ZNF718: variants seen among roughly 807,000 people sequenced by gnomAD.
ZNF718 encodes zinc finger protein 718.
Under a neutral mutation model 2.6 loss-of-function variants are expected in ZNF718, and 3 were observed. The ratio of observed to expected loss-of-function variants is 1.16; its 90% CI spans 0.53 to 3.01. ZNF718 has a LOEUF of 3.01. ZNF718 is among the 30% of genes most tolerant of loss of function. ZNF718 has a pLI of 0.03. For missense variants in ZNF718, 468 were observed against 230.0 expected, an observed-to-expected ratio of 2.03 and a Z score of -6.69; for synonymous variants, 135 against 77.9, an observed-to-expected ratio of 1.73 and a Z score of -3.86.
chr4:194,968 A>C (rs1717763121), intron 3 of ZNF718, among the ~76,000 whole-genome samples: 1 of 152,128 alleles, frequency 6.6e-6, no homozygotes, highest in African/African-American at 2.4e-5. Flanking sequence ...TATGCTCACC[A>C]ATGTAGCAGT....
chr4:192,892 C>T (rs1553821446), intron 3 of ZNF718, among the ~76,000 whole-genome samples: 2 of 152,098 alleles, frequency 1.3e-5, no homozygotes, highest in African/African-American at 4.8e-5. Flanking sequence ...CTTCACAGGC[C>T]CTGACTATCT....
At chr4:145,291 CTG>C (rs1430892050) in intron 3 of ZNF718, among the ~76,000 whole-genome samples, 1 of 152,116 alleles carries the variant, frequency 6.6e-6, no homozygotes, top group Non-Finnish European at 1.5e-5. Context: ...TTAGTAGTTT[CTG>C]TGTTTTAATT....
chr4:189,449 T>G (rs1717650883), intron 3 of ZNF718, among the ~76,000 whole-genome samples: 2 of 152,162 alleles, frequency 1.3e-5, no homozygotes, highest in African/African-American at 4.8e-5. Flanking sequence ...TGTCGATTAC[T>G]GTTATATAAA....
chr4:188,237 G>A (rs910191103), intron 3 of ZNF718, among the ~76,000 whole-genome samples: 3 of 152,338 alleles, frequency 2.0e-5, no homozygotes, highest in East Asian at 1.9e-4. Context: ...CTCATCCAGC[G>A]AGGATAATGG....
At chr4:157,103 C>CTT (rs199814257) in intron 3 of ZNF718, among the ~76,000 whole-genome samples, 2 of 103,140 alleles carry the variant, frequency 1.9e-5, no homozygotes, top group African/African-American at 8.0e-5. Flanking sequence ...TTCTTTCTTT[C>CTT]TTTTTTTTTT....
chr4:147,523 A>G (rs1401756368), intron 3 of ZNF718, among the ~76,000 whole-genome samples: 1 of 152,170 alleles, frequency 6.6e-6, no homozygotes, highest in East Asian at 1.9e-4. Flanking sequence ...TCAGGGCATC[A>G]GACAGTTGTG....
At chr4:176,109 T>TA (rs1717341078) in intron 3 of ZNF718, among the ~76,000 whole-genome samples, 1 of 152,102 alleles carries the variant, frequency 6.6e-6, no homozygotes, top group Non-Finnish European at 1.5e-5. Context: ...AGCACCCTTA[T>TA]AAGCTCTAAT....
intron 3 of ZNF718, among the ~76,000 whole-genome samples, chr4:191,909 G>A (rs1390661253): frequency 6.6e-6 from 1 of 152,056 alleles, no homozygotes; most frequent in Non-Finnish European, 1.5e-5. Flanking sequence ...ATGGAACCTT[G>A]GGCCATGCAG....
intron 1 of ZNF718, chr4:125,425 A>T (rs1715163399): frequency 6.6e-6 from 1 of 152,258 alleles, no homozygotes; most frequent in Non-Finnish European, 1.5e-5. Flanking sequence ...CAGCTGCGGG[A>T]AGAGTGCTGA....
chr4:140,430 CT>C (rs1162826460), intron 3 of ZNF718, among the ~76,000 whole-genome samples: 1 of 152,120 alleles, frequency 6.6e-6, no homozygotes, highest in Non-Finnish European at 1.5e-5. Flanking sequence ...TTGGAGTTTA[CT>C]GTTGAATGGA....
chr4:135,742 G>GTATATATATATATATATATA (rs1715540565), intron 3 of ZNF718, among the ~76,000 whole-genome samples: 2 of 57,380 alleles, frequency 3.5e-5, no homozygotes, highest in African/African-American at 6.4e-5. Flanking sequence ...TTATATATAT[G>GTATATATATATATATATATA]TGCATGATTA....
At chr4:190,963 C>T (rs1553821101) in intron 3 of ZNF718, among the ~76,000 whole-genome samples, 1 of 151,756 alleles carries the variant, frequency 6.6e-6, no homozygotes, top group Non-Finnish European at 1.5e-5. Flanking sequence ...CACTTGGACC[C>T]AGGAGGCAGA....
At chr4:134,062 T>G (rs1466808148) in intron 3 of ZNF718, among the ~76,000 whole-genome samples, 1 of 152,240 alleles carries the variant, frequency 6.6e-6, no homozygotes, top group Admixed American at 6.5e-5. Flanking sequence ...ACTAAAAATT[T>G]GTACTCTTTG....
intron 3 of ZNF718, among the ~76,000 whole-genome samples, chr4:140,055 C>T (rs954933802): frequency 3.3e-5 from 5 of 152,016 alleles, no homozygotes; most frequent in Non-Finnish European, 7.4e-5. Context: ...TCCCCGATCC[C>T]TATGTGTGGC....
At chr4:160,454 G>T (rs1314834760) in intron 3 of ZNF718, among the ~76,000 whole-genome samples, 3 of 152,186 alleles carry the variant, frequency 2.0e-5, no homozygotes. Flanking sequence ...ATTATGGCCT[G>T]TGGTATTTAC....
At chr4:147,212 TTC>T in intron 3 of ZNF718, among the ~76,000 whole-genome samples, 1 of 152,284 alleles carries the variant, frequency 6.6e-6, no homozygotes, top group African/African-American at 2.4e-5. Flanking sequence ...TTATCTTGAA[TTC>T]TCTGTTAGTC....
intron 3 of ZNF718, among the ~76,000 whole-genome samples, chr4:140,088 A>G (rs1553810066): frequency 1.3e-5 from 2 of 152,122 alleles, no homozygotes; most frequent in Non-Finnish European, 1.5e-5. Flanking sequence ...AAACTCGCAC[A>G]TGTTTTAAGG....
chr4:190,493 A>T (rs1400083448), intron 3 of ZNF718, among the ~76,000 whole-genome samples: 1 of 150,796 alleles, frequency 6.6e-6, no homozygotes, highest in Admixed American at 6.6e-5. Context: ...TATATTAATA[A>T]TGTGGAAGAA....
chr4:164,496 ATC>A (rs554525072), downstream of ZNF718, among the ~76,000 whole-genome samples: 413 of 152,230 alleles, frequency 2.7e-3, 1 homozygote, highest in African/African-American at 9.5e-3. Context: ...TGTGCAAATT[ATC>A]TGTTTTGTCT....
Sources: gnomAD v4.1 joint callset for allele counts (sites outside exome capture counted in the v4.1 genomes callset) on GRCh38, gnomAD v4.1.1 for gene constraint, MANE v1.5 for transcripts, NCBI Gene and HGNC (gene_info 2026-07-23, HGNC 2026-07-21) for gene names.